MAN1A2: variants seen among roughly 807,000 people sequenced by gnomAD.
MAN1A2 encodes mannosidase alpha class 1A member 2.
A neutral mutation model predicts 75.7 loss-of-function variants in MAN1A2; 26 were observed. That is an observed-to-expected ratio of 0.34 (90% CI 0.25 to 0.48). MAN1A2 has a LOEUF of 0.48. Ranked by LOEUF, MAN1A2 falls within the 20% of genes least tolerant of loss-of-function variation. The probability of loss-of-function intolerance (pLI) is 0.99; values close to 1 mark genes in which losing one functional copy is unlikely to be tolerated. For missense variants in MAN1A2, 562 were observed against 775.5 expected, an observed-to-expected ratio of 0.72 and a Z score of 3.27; for synonymous variants, 247 against 264.6, an observed-to-expected ratio of 0.93 and a Z score of 0.65.
At chr1:117,400,246 G>C (rs889007853) in intron 1 of MAN1A2, among the ~76,000 whole-genome samples, 2 of 151,360 alleles carry the variant, frequency 1.3e-5, no homozygotes, top group African/African-American at 4.9e-5. Flanking sequence ...TTGTGTTACT[G>C]ACCGTCTAGC....
chr1:117,378,016 A>T lies in MAN1A2; in HGVS notation c.302+9531A>T, dbSNP rs1282249118. On this transcript the variant is annotated intron_variant, in intron 1 of 12. Coordinates refer to ENST00000356554, the MANE Select transcript of MAN1A2 (RefSeq NM_006699.5). Reference sequence around the variant, plus strand: ...ACTCGGGAGGCTGAGGTAGGAGAATAGTGTGAACCTGGGAGGCAGAGCTTG... The same window carrying T: ...ACTCGGGAGGCTGAGGTAGGAGAATTGTGTGAACCTGGGAGGCAGAGCTTG... Among the ~76,000 whole-genome samples, 7 of 152,082 alleles carry T rather than the reference A, an allele frequency of 4.6e-5. 1 individual carries two copies. Among genetic ancestry groups the T allele is most frequent in the Admixed American group, 3.9e-4 (6 of 15,250 alleles).
chr1:117,377,349 CTCT>C (rs1201922412), intron 1 of MAN1A2, among the ~76,000 whole-genome samples: 1 of 152,220 alleles, frequency 6.6e-6, no homozygotes, highest in Non-Finnish European at 1.5e-5. Context: ...GAGCCTCTGG[CTCT>C]TCTTCAGTGC....
intron 3 of MAN1A2, 88 bp downstream of exon 3, chr1:117,405,733 C>A: frequency 1.2e-6 from 1 of 802,164 alleles, no homozygotes; most frequent in East Asian, 2.5e-5. Context: ...TTTCTAAAAT[C>A]TGAGTATTTC....
intron 1 of MAN1A2, among the ~76,000 whole-genome samples, chr1:117,374,191 G>A (rs530847106): frequency 2.6e-5 from 4 of 152,038 alleles, no homozygotes; most frequent in Non-Finnish European, 4.4e-5. Context: ...GCCTGTAGTC[G>A]GAGGCTGAGG....
At chr1:117,391,563 G>C (rs1324119939) in intron 1 of MAN1A2, among the ~76,000 whole-genome samples, 6 of 152,164 alleles carry the variant, frequency 3.9e-5, no homozygotes, top group Admixed American at 3.9e-4. Flanking sequence ...AAAAGTTACT[G>C]TTAGATTTAA....
intron 1 of MAN1A2, among the ~76,000 whole-genome samples, chr1:117,396,275 C>T (rs1653902125): frequency 1.3e-5 from 2 of 152,090 alleles, no homozygotes; most frequent in Non-Finnish European, 2.9e-5. Context: ...TGGCCAGCAC[C>T]CATAATAAAC....
chr1:117,414,116 A>AT (rs527414481), intron 3 of MAN1A2, among the ~76,000 whole-genome samples: 158 of 149,170 alleles, frequency 1.1e-3, no homozygotes, highest in African/African-American at 3.9e-3. Context: ...TATTATTTTG[A>AT]TTTTCTCTAC....
intron 8 of MAN1A2, among the ~76,000 whole-genome samples, chr1:117,490,735 A>G (rs898134715): frequency 5.9e-5 from 9 of 152,128 alleles, no homozygotes; most frequent in African/African-American, 1.9e-4. Context: ...CTCTTGCACC[A>G]GTTAGGCAGA....
chr1:117,446,179 C>G (rs532498398), intron 6 of MAN1A2, among the ~76,000 whole-genome samples: 54 of 151,496 alleles, frequency 3.6e-4, no homozygotes, highest in African/African-American at 1.2e-3. Flanking sequence ...TTTCTTTTCT[C>G]TTTACTAGTT....
Position 117,493,248 on chromosome 1 carries a change from G to T in MAN1A2, c.1270G>T (p.Asp424Tyr). The part of the protein sequence containing the change: ...KTDHEARKMY[D>Y]DAIEAIEKHL... Reference sequence around the variant, plus strand: ...AGACCATGAGGCAAGAAAGATGTATGATGATGCTATTGAGGTGATTATTTC... The same window carrying T: ...AGACCATGAGGCAAGAAAGATGTATTATGATGCTATTGAGGTGATTATTTC... The change falls in exon 9 of 13, where the codon GAT becomes TAT. Residue 424 changes from aspartate (D) to tyrosine (Y), a missense_variant. Transcript: ENST00000356554. 6.2e-7 allele frequency: 1 copy of T among 1,605,242 alleles called. No homozygotes were observed. The highest frequency in any genetic ancestry group is 8.5e-7 in the Non-Finnish European group (1 of 1,172,642).
intron 1 of MAN1A2, among the ~76,000 whole-genome samples, chr1:117,398,097 AG>A (rs370468034): frequency 1.1e-3 from 175 of 152,282 alleles, no homozygotes; most frequent in African/African-American, 3.8e-3. Context: ...CTAGGCATTG[AG>A]GGATATGTTG....
chr1:117,394,528 G>A (rs941484049), intron 1 of MAN1A2, among the ~76,000 whole-genome samples: 5 of 152,150 alleles, frequency 3.3e-5, no homozygotes, highest in Non-Finnish European at 7.3e-5. Context: ...GTAGTTTTTG[G>A]AGATATCTTT....
At chr1:117,374,819 G>A (rs1653086986) in intron 1 of MAN1A2, among the ~76,000 whole-genome samples, 1 of 152,108 alleles carries the variant, frequency 6.6e-6, no homozygotes, top group Admixed American at 6.5e-5. Context: ...AGAGTGTGCA[G>A]TAATTTAGTT....
In MAN1A2 at chr1:117,476,074, G is replaced by T. The variant is rs930198422; in HGVS notation, c.1168+9647G>T. Among the ~76,000 whole-genome samples, 4 of 152,204 alleles carry T rather than the reference G, an allele frequency of 2.6e-5. No homozygotes were observed. In the East Asian group the frequency reaches 5.8e-4, roughly 22 times the overall value. ...TCGTCTTTCTAACTGGTGTGAGATG[G>T]TATGTCCTTGTGGTTTTGATTTGCA... On this transcript the variant is annotated intron_variant, in intron 8 of 12. Coordinates refer to ENST00000356554, the MANE Select transcript of MAN1A2 (RefSeq NM_006699.5).
intron 12 of MAN1A2, among the ~76,000 whole-genome samples, chr1:117,506,228 A>G (rs1651360811): frequency 6.6e-6 from 1 of 151,560 alleles, no homozygotes; most frequent in Non-Finnish European, 1.5e-5. Context: ...ATTGGTGGGA[A>G]TTTACTGCGG....
In MAN1A2 at chr1:117,468,778, A is replaced by T. The variant is rs542644865; in HGVS notation, c.1168+2351A>T. Among the ~76,000 whole-genome samples, 5 of 152,274 alleles carry T rather than the reference A, an allele frequency of 3.3e-5. No individual in the cohort carries two copies. In the South Asian group the frequency reaches 1.0e-3, roughly 32 times the overall value. On this transcript the variant is annotated intron_variant, in intron 8 of 12. Transcript: ENST00000356554. ...TTATATTTTAGAATACCTGACATAG[A>T]TAAATGACATATCTAGAAAGATATT... is the stretch of plus-strand genomic sequence containing the variant.
intron 1 of MAN1A2, among the ~76,000 whole-genome samples, chr1:117,383,792 T>C (rs1187356357): frequency 6.6e-6 from 1 of 152,090 alleles, no homozygotes; most frequent in Non-Finnish European, 1.5e-5. Context: ...TTGCCCAGGC[T>C]GGAGTGCAGT....
chr1:117,449,515 T>C (rs1355975728), intron 6 of MAN1A2, among the ~76,000 whole-genome samples: 1 of 148,908 alleles, frequency 6.7e-6, no homozygotes, highest in Non-Finnish European at 1.5e-5. Context: ...GCTGAGATCC[T>C]GCCACTGCAC....
intron 4 of MAN1A2, among the ~76,000 whole-genome samples, chr1:117,418,481 G>C (rs187785100): frequency 6.6e-6 from 1 of 152,276 alleles, no homozygotes; most frequent in East Asian, 1.9e-4. Flanking sequence ...ACTGAGAATA[G>C]AGGTACAGTT....
Sources: allele counts gnomAD v4.1 joint callset (sites outside exome capture counted in the v4.1 genomes callset), GRCh38; gene constraint gnomAD v4.1.1; transcripts MANE v1.5; gene names NCBI Gene and HGNC (gene_info 2026-07-23, HGNC 2026-07-21).